Variants in ADCY2 observed in about 807,000 individuals in gnomAD.
ADCY2 encodes the protein adenylate cyclase type 2.
A neutral mutation model predicts 125.2 loss-of-function variants in ADCY2; 31 were observed. That is an observed-to-expected ratio of 0.25 (90% CI 0.19 to 0.33). The LOEUF is 0.33. Among genes scored for constraint, ADCY2 ranks in the 10% least tolerant of loss-of-function variants. ADCY2 has a pLI of 1.00. For synonymous variants in ADCY2, 512 were observed against 548.4 expected (o/e 0.93, Z 0.93); for missense variants, 904 against 1,418.2 (o/e 0.64, Z 5.82).
At chr5:7,689,874 A>C (rs1250948945) in intron 4 of ADCY2, among the ~76,000 whole-genome samples, 1 of 152,212 alleles carries the variant, frequency 6.6e-6, no homozygotes, top group East Asian at 1.9e-4. Context: ...TTAACATTAA[A>C]ATTCTCCAGG....
chr5:7,808,526 C>T (rs1744828698), intron 22 of ADCY2, among the ~76,000 whole-genome samples: 1 of 152,198 alleles, frequency 6.6e-6, no homozygotes, highest in Non-Finnish European at 1.5e-5. Flanking sequence ...TAGTAAAACT[C>T]TTTGCCCATT....
At chr5:7,820,484 A>G in intron 23 of ADCY2, 81 bp from the exon 24 acceptor site, 7 of 1,519,462 alleles carry the variant, frequency 4.6e-6, no homozygotes, top group Non-Finnish European at 6.2e-6. Context: ...ACAGAATAAG[A>G]CCCCATCTCA....
At chr5:7,661,100 TTGGACAGGGG>T (rs1355388987) in intron 4 of ADCY2, among the ~76,000 whole-genome samples, 4 of 152,164 alleles carry the variant, frequency 2.6e-5, no homozygotes, top group African/African-American at 9.7e-5. Flanking sequence ...CAAGGGTGAT[TTGGACAGGGG>T]TATATATCTC....
intron 15 of ADCY2, among the ~76,000 whole-genome samples, chr5:7,750,615 A>T (rs1296997136): frequency 1.3e-5 from 2 of 152,222 alleles, no homozygotes; most frequent in Non-Finnish European, 2.9e-5. Flanking sequence ...GTATTTTAAA[A>T]AGTCTTTATC....
chr5:7,607,874 G>C (rs1737434235), intron 3 of ADCY2, among the ~76,000 whole-genome samples: 1 of 151,220 alleles, frequency 6.6e-6, no homozygotes. Context: ...AAATAAATTG[G>C]TATTAAATTT....
intron 3 of ADCY2, among the ~76,000 whole-genome samples, chr5:7,526,002 C>G (rs1302022058): frequency 6.6e-6 from 1 of 152,112 alleles, no homozygotes; most frequent in East Asian, 1.9e-4. Context: ...TGTGGATCCC[C>G]TCCCCTGTCC....
intron 2 of ADCY2, among the ~76,000 whole-genome samples, chr5:7,501,303 T>C (rs910603821): frequency 2.0e-5 from 3 of 152,272 alleles, no homozygotes; most frequent in African/African-American, 7.2e-5. Flanking sequence ...TAAGCACACA[T>C]GCACAGCATG....
chr5:7,707,649 C>A (rs1741305186), intron 8 of ADCY2, 57 bp from the exon 9 acceptor site: 1 of 1,584,864 alleles, frequency 6.3e-7, no homozygotes, highest in Middle Eastern at 1.7e-4. Flanking sequence ...CAAATAGAAA[C>A]CTTTCTTCAC....
At chr5:7,418,647 GTTTTTTTTT>G (rs869287430) in intron 2 of ADCY2, among the ~76,000 whole-genome samples, 7 of 73,750 alleles carry the variant, frequency 9.5e-5, no homozygotes, top group African/African-American at 3.7e-4. Context: ...TCTACCTTCT[GTTTTTTTTT>G]TTTTTTTTTT....
At chr5:7,594,257 G>C (rs1471652998) in intron 3 of ADCY2, among the ~76,000 whole-genome samples, 1 of 152,122 alleles carries the variant, frequency 6.6e-6, no homozygotes, top group Non-Finnish European at 1.5e-5. Context: ...CTGGGCATTA[G>C]TGATGGAAGT....
intron 12 of ADCY2, among the ~76,000 whole-genome samples, chr5:7,722,661 A>C (rs1456506143): frequency 1.3e-5 from 2 of 152,112 alleles, no homozygotes; most frequent in Non-Finnish European, 2.9e-5. Flanking sequence ...ATGCAGCCAT[A>C]AAAAAGAATG....
At chr5:7,488,427 G>A (rs1210009133) in intron 2 of ADCY2, among the ~76,000 whole-genome samples, 2 of 152,162 alleles carry the variant, frequency 1.3e-5, no homozygotes, top group Non-Finnish European at 2.9e-5. Context: ...CAGGTGGTAT[G>A]TGGGCTTGGG....
At chr5:7,451,715 T>C (rs1741476438) in intron 2 of ADCY2, among the ~76,000 whole-genome samples, 1 of 152,180 alleles carries the variant, frequency 6.6e-6, no homozygotes, top group Non-Finnish European at 1.5e-5. Flanking sequence ...AAAGAGTACA[T>C]GGATGTGGCA....
At chr5:7,526,741 T>C (rs1290638772) in intron 3 of ADCY2, among the ~76,000 whole-genome samples, 1 of 152,178 alleles carries the variant, frequency 6.6e-6, no homozygotes, top group African/African-American at 2.4e-5. Context: ...TCTCTGCAAG[T>C]TTTTTAAATA....
intron 2 of ADCY2, among the ~76,000 whole-genome samples, chr5:7,508,715 A>G (rs1170684343): frequency 6.6e-6 from 1 of 152,164 alleles, no homozygotes; most frequent in Non-Finnish European, 1.5e-5. Flanking sequence ...TGGCCGGGTG[A>G]GGAAGGAGAA....
chr5:7,814,471 C>T (rs1334678390), intron 22 of ADCY2, among the ~76,000 whole-genome samples: 1 of 150,870 alleles, frequency 6.6e-6, no homozygotes, highest in East Asian at 1.9e-4. Context: ...ATGTGCAGGA[C>T]AGCCCGCAAA....
At chr5:7,597,017 C>G (rs1737028314) in intron 3 of ADCY2, among the ~76,000 whole-genome samples, 1 of 152,332 alleles carries the variant, frequency 6.6e-6, no homozygotes, top group East Asian at 1.9e-4. Context: ...CCATGAGCCA[C>G]TTTTTGAGCT....
intron 3 of ADCY2, among the ~76,000 whole-genome samples, chr5:7,601,963 G>A (rs562472581): frequency 1.7e-4 from 26 of 152,124 alleles, no homozygotes; most frequent in Non-Finnish European, 2.8e-4. Flanking sequence ...GAGGCTCTAC[G>A]GGAGGATCTT....
At chr5:7,488,812 G>A (rs909662560) in intron 2 of ADCY2, among the ~76,000 whole-genome samples, 2 of 151,996 alleles carry the variant, frequency 1.3e-5, no homozygotes, top group Non-Finnish European at 2.9e-5. Context: ...AAAGCCCCTC[G>A]TCAGTGCCCA....
Sources: gnomAD v4.1 joint callset for allele counts (sites outside exome capture counted in the v4.1 genomes callset) on GRCh38, gnomAD v4.1.1 for gene constraint, MANE v1.5 for transcripts, NCBI Gene and HGNC (gene_info 2026-07-23, HGNC 2026-07-21) for gene names.